The following ZNF730 variants were observed in gnomAD, a reference collection of about 807,000 sequenced individuals.
ZNF730 encodes zinc finger protein 730, also known as putative zinc finger protein 730.
ZNF730 carries 12 observed loss-of-function variants against 12.6 expected under a neutral mutation model. That is an observed-to-expected ratio of 0.95 (90% CI 0.61 to 1.54). ZNF730 has a LOEUF of 1.54. Among genes scored for constraint, ZNF730 ranks in the 40% most tolerant of loss-of-function variants. The pLI is 0.00. For synonymous variants in ZNF730, 194 were observed against 195.8 expected (o/e 0.99, Z 0.08); for missense variants, 643 against 583.5 (o/e 1.10, Z -1.05).
intron 1 of ZNF730, among the ~76,000 whole-genome samples, chr19:23,129,266 T>C (rs1367213952): frequency 6.6e-6 from 1 of 152,078 alleles, no homozygotes; most frequent in African/African-American, 2.4e-5. Context: ...GATTCCAGAA[T>C]GGTAGATCCA....
chr19:23,117,044 G>C lies in ZNF730; in HGVS notation c.-130G>C, dbSNP rs1271832130. ...GGCGCGGCCTTTGTTTCTCGCTGCC[G>C]CCGAAGCTCCAATTTTCGTCTGTCT... On this transcript the variant is annotated 5_prime_UTR_variant, in exon 1 of 4. Coordinates refer to ENST00000597761, the MANE Select transcript of ZNF730 (RefSeq NM_001277403.2). 2.1e-5 allele frequency: 29 copies of C among 1,356,830 alleles called. No individual in the cohort carries two copies. Among genetic ancestry groups the C allele is most frequent in the Non-Finnish European group, 2.8e-5 (29 of 1,022,016 alleles). The allele number at this position is 1,356,830 out of a possible 1,614,324, so 84.0% of individuals were successfully genotyped here.
intron 1 of ZNF730, chr19:23,095,669 G>A: frequency 2.6e-6 from 1 of 379,868 alleles, no homozygotes. Flanking sequence ...CCAATGTGAT[G>A]TGAGTCTCCT....
chr19:23,134,292 GT>G (rs1310438801), intron 2 of ZNF730, 86 bp downstream of exon 2: 2 of 1,215,076 alleles, frequency 1.6e-6, no homozygotes, highest in East Asian at 2.8e-5. Flanking sequence ...CAGATCCCGG[GT>G]TTTTTTCTTT....
At chr19:23,103,325 G>A (rs1357740348) in intron 1 of ZNF730, among the ~76,000 whole-genome samples, 3 of 152,154 alleles carry the variant, frequency 2.0e-5, no homozygotes. Flanking sequence ...AATTCAAAAA[G>A]GTACTACATG....
chr19:23,127,301 A>T (rs1323475686), intron 1 of ZNF730: 1 of 678,418 alleles, frequency 1.5e-6, no homozygotes, highest in Non-Finnish European at 2.7e-6. Context: ...TTCCAAGAAG[A>T]CATGGAAATT....
At chr19:23,128,895 T>TGAAGCCTAGG (rs1385068866) in intron 1 of ZNF730, among the ~76,000 whole-genome samples, 4 of 152,180 alleles carry the variant, frequency 2.6e-5, no homozygotes, top group Admixed American at 1.3e-4. Context: ...CCCTGCTCTG[T>TGAAGCCTAGG]GAAGCCTAGG....
intron 1 of ZNF730, chr19:23,123,506 C>T (rs1970624388): frequency 6.6e-6 from 1 of 150,674 alleles, no homozygotes; most frequent in African/African-American, 2.4e-5. Context: ...AGAGGTGGAG[C>T]TTTCAGTGAG....
chr19:23,107,867 T>C (rs554353900), intron 1 of ZNF730, among the ~76,000 whole-genome samples: 1 of 152,322 alleles, frequency 6.6e-6, no homozygotes, highest in South Asian at 2.1e-4. Context: ...TCTTTTTATT[T>C]TTACCTCAGT....
Position 23,146,708 on chromosome 19 carries a change from C to T in ZNF730, c.*152C>T, listed in dbSNP as rs1971020598. 1 of 1,407,958 alleles carries T rather than the reference C, an allele frequency of 7.1e-7. No individual in the cohort carries two copies. Among genetic ancestry groups the T allele is most frequent in the African/African-American group, 1.4e-5 (1 of 70,724 alleles). 87.2% of individuals were successfully genotyped at this position (1,407,958 alleles called of 1,614,324 possible). ...CTTACTAAACATAAGGTAATTCATA[C>T]TGGAGAAAAACCTACAAATGTGAAG... is the stretch of plus-strand genomic sequence containing the variant. On this transcript the variant is annotated 3_prime_UTR_variant, in exon 4 of 4. Coordinates refer to ENST00000597761, the MANE Select transcript of ZNF730 (RefSeq NM_001277403.2).
In ZNF730 at chr19:23,136,045, T is replaced by G; in HGVS notation, c.226+2T>G. ...ATGATATGGTAGCCAAACCCCCAGG[T>G]AGGTGACAGTAAATACAATACACAA... is the stretch of plus-strand genomic sequence containing the variant. On this transcript the variant is annotated splice_donor_variant, in intron 3 of 3. Transcript: ENST00000597761. LOFTEE classifies it high-confidence loss of function. 1 of 1,590,056 alleles carries G rather than the reference T, an allele frequency of 6.3e-7. No homozygotes were observed. Among genetic ancestry groups the G allele is most frequent in the South Asian group, 1.1e-5 (1 of 87,632 alleles).
At chr19:23,089,997 C>T (rs1970129112) in intron 1 of ZNF730, among the ~76,000 whole-genome samples, 1 of 152,162 alleles carries the variant, frequency 6.6e-6, no homozygotes, top group South Asian at 2.1e-4. Flanking sequence ...CCTGTAATCC[C>T]AGCACTTTGA....
At position 23,083,570 on chromosome 19, in the gene ZNF730, C is replaced by G. The variant is rs551323142; in HGVS notation, c.-94+8183C>G. On this transcript the variant is annotated intron_variant, in intron 1 of 2. Coordinates refer to the ZNF730 transcript ENST00000593635. ...CGCCAACAGTGTGTATGTGTTTCCT[C>G]TTTATTACATCCTCATTAGTGCTTG... 2.0e-5 allele frequency among the ~76,000 whole-genome samples: 3 copies of G among 151,120 alleles called. No individual in the cohort carries two copies. The South Asian group carries it at 6.3e-4, about 32-fold the overall frequency.
intron 1 of ZNF730, among the ~76,000 whole-genome samples, chr19:23,108,926 T>A (rs1489036591): frequency 6.6e-6 from 1 of 152,066 alleles, no homozygotes; most frequent in Admixed American, 6.6e-5. Flanking sequence ...ATTTTTGTAT[T>A]TTTAGTAGAG....
chr19:23,145,185 T>G, intron 3 of ZNF730, 86 bp from the exon 4 acceptor site: 2 of 919,058 alleles, frequency 2.2e-6, no homozygotes, highest in South Asian at 6.1e-5. Flanking sequence ...TATCTTGTTA[T>G]GTAGTTTGTA....
intron 1 of ZNF730, among the ~76,000 whole-genome samples, chr19:23,089,175 A>C (rs961566259): frequency 2.6e-5 from 4 of 151,312 alleles, no homozygotes; most frequent in African/African-American, 9.7e-5. Flanking sequence ...CTGGCTGATT[A>C]TGTGGTTTTT....
At chr19:23,107,205 G>A (rs1182892347) in intron 1 of ZNF730, among the ~76,000 whole-genome samples, 1 of 151,132 alleles carries the variant, frequency 6.6e-6, no homozygotes, top group African/African-American at 2.4e-5. Context: ...TAGAATTACA[G>A]GTGTGTACCA....
Position 23,146,162 on chromosome 19 carries a change from G to A in ZNF730, c.1118G>A (p.Cys373Tyr), listed in dbSNP as rs765070865. Residue 373 changes from cysteine (C) to tyrosine (Y), a missense_variant, in exon 4 of 4, where the codon TGT becomes TAT. By Grantham distance (194) the Cys-to-Tyr change is radical. Coordinates refer to ENST00000597761, the MANE Select transcript of ZNF730 (RefSeq NM_001277403.2). ...TGGKPYKYKE[C>Y]GKAFNQSSTL... ...GGGAAACCCTACAAATATAAAGAAT[G>A]TGGTAAAGCTTTTAACCAATCCTCA... The A allele has an allele frequency of 2.5e-6, 4 of 1,608,196 alleles. No homozygotes were observed. Among genetic ancestry groups the A allele is most frequent in the South Asian group, 2.2e-5 (2 of 90,634 alleles).
At chr19:23,118,535 C>T (rs913798267) in intron 1 of ZNF730, among the ~76,000 whole-genome samples, 10 of 152,086 alleles carry the variant, frequency 6.6e-5, no homozygotes, top group African/African-American at 2.2e-4. Flanking sequence ...CATTTTCTCT[C>T]ACAGGACAAC....
At chr19:23,127,734 CT>C (rs1970687981) in intron 1 of ZNF730, 38 of 1,137,650 alleles carry the variant, frequency 3.3e-5, no homozygotes, top group Non-Finnish European at 4.5e-5. Flanking sequence ...ACATTTATTG[CT>C]TTAAGTCCAC....
Sources: gnomAD v4.1 joint callset for allele counts (sites outside exome capture counted in the v4.1 genomes callset) on GRCh38, gnomAD v4.1.1 for gene constraint, MANE v1.5 for transcripts, NCBI Gene and HGNC (gene_info 2026-07-23, HGNC 2026-07-21) for gene names.